Variants in SLC24A4 observed in about 807,000 individuals in gnomAD.
The protein encoded by SLC24A4 is solute carrier family 24 member 4.
SLC24A4 carries 53 observed loss-of-function variants against 79.0 expected under a neutral mutation model. The ratio of observed to expected loss-of-function variants is 0.67; its 90% CI spans 0.54 to 0.84. The LOEUF (loss-of-function observed/expected upper bound fraction) is 0.84, where lower values mean the gene tolerates loss of function less well. SLC24A4 is among the 40% of genes least tolerant of loss of function. The pLI is 0.00. For synonymous variants in SLC24A4, 323 were observed against 323.8 expected (o/e 1.00, Z 0.03); for missense variants, 731 against 822.0 (o/e 0.89, Z 1.35).
chr14:92,456,505 C>G lies in SLC24A4; in HGVS notation c.1152C>G (p.Pro384=), dbSNP rs562729725. 9.3e-6 allele frequency: 15 copies of G among 1,614,024 alleles called. No individual in the cohort carries two copies. The highest frequency in any genetic ancestry group is 2.2e-5 in the East Asian group (1 of 44,884). ...ACGGGAATGTTCCTGTGGAAAACCCCGAAGACCCTCAGCAGAATCAGGAGC... is the reference window on the plus strand; with the variant it reads ...ACGGGAATGTTCCTGTGGAAAACCCGGAAGACCCTCAGCAGAATCAGGAGC... ...IENGNVPVEN[P]EDPQQNQEQQ... is the part of the protein sequence containing the mutation. Residue 384 remains proline (P), a synonymous_variant, in exon 12 of 17, where the codon CCC becomes CCG. Coordinates refer to ENST00000532405, the MANE Select transcript of SLC24A4 (RefSeq NM_153646.4).
At chr14:92,470,342 C>T (rs1256496958) in intron 12 of SLC24A4, among the ~76,000 whole-genome samples, 2 of 152,178 alleles carry the variant, frequency 1.3e-5, no homozygotes, top group Non-Finnish European at 2.9e-5. Flanking sequence ...TGCAAATCTA[C>T]TCTGCATCAT....
At chr14:92,438,093 C>T (rs921382001) in intron 3 of SLC24A4, among the ~76,000 whole-genome samples, 1 of 152,232 alleles carries the variant, frequency 6.6e-6, no homozygotes, top group South Asian at 2.1e-4. Context: ...CTAGAGACAG[C>T]GGCAGCTCCC....
intron 2 of SLC24A4, among the ~76,000 whole-genome samples, chr14:92,354,052 G>A (rs943945272): frequency 1.3e-5 from 2 of 152,230 alleles, no homozygotes; most frequent in African/African-American, 2.4e-5. Flanking sequence ...AACTGCCGGT[G>A]GAAACCTGGA....
intron 14 of SLC24A4, among the ~76,000 whole-genome samples, chr14:92,488,164 T>A (rs1895483234): frequency 6.7e-6 from 1 of 150,308 alleles, no homozygotes; most frequent in African/African-American, 2.4e-5. Flanking sequence ...CTCTGCCCCC[T>A]GGGTTCAAGC....
intron 2 of SLC24A4, among the ~76,000 whole-genome samples, chr14:92,348,240 A>G: frequency 6.6e-6 from 1 of 152,172 alleles, no homozygotes; most frequent in Non-Finnish European, 1.5e-5. Flanking sequence ...TTGCAGGTTC[A>G]TTGTGTGGAT....
chr14:92,432,307 G>A (rs1280681695), intron 2 of SLC24A4, among the ~76,000 whole-genome samples: 2 of 152,198 alleles, frequency 1.3e-5, no homozygotes. Context: ...GTCCCCAGCA[G>A]CAGAAAGATG....
At chr14:92,445,162 G>A in intron 7 of SLC24A4, 155 bp from the exon 8 acceptor site, 1 of 830,600 alleles carries the variant, frequency 1.2e-6, no homozygotes, top group South Asian at 1.4e-5. Flanking sequence ...GCTACACTAA[G>A]GAAAGGCCCG....
At position 92,467,934 on chromosome 14, in the gene SLC24A4, A is replaced by G. The variant is rs375283849; in HGVS notation, c.1255+11326A>G. ...GCCACTTCTATTCCACATTATGCTG[A>G]GGGCTCTAGCCAGGGCAAATAGGCA... On this transcript the variant is annotated intron_variant, in intron 12 of 16. Coordinates refer to ENST00000532405, the MANE Select transcript of SLC24A4 (RefSeq NM_153646.4). Among the ~76,000 whole-genome samples the G allele has an allele frequency of 7.2e-5, 11 of 152,310 alleles. No individual in the cohort carries two copies. The East Asian group carries it at 1.9e-3, about 27-fold the overall frequency.
At chr14:92,373,331 A>G (rs1888314052) in intron 2 of SLC24A4, among the ~76,000 whole-genome samples, 1 of 152,136 alleles carries the variant, frequency 6.6e-6, no homozygotes, top group South Asian at 2.1e-4. Flanking sequence ...GGCGTGAGCC[A>G]CCACGCCTGG....
chr14:92,465,830 A>G (rs1595333496), intron 12 of SLC24A4, among the ~76,000 whole-genome samples: 1 of 150,228 alleles, frequency 6.7e-6, no homozygotes, highest in African/African-American at 2.5e-5. Context: ...TCTCTGCACC[A>G]CCCCCAGCCC....
At chr14:92,385,220 A>C (rs1015610179) in intron 2 of SLC24A4, among the ~76,000 whole-genome samples, 1 of 152,146 alleles carries the variant, frequency 6.6e-6, no homozygotes, top group Non-Finnish European at 1.5e-5. Context: ...TGCAAAAATC[A>C]TGCCGGCCAG....
At chr14:92,469,184 G>T (rs1164885086) in intron 12 of SLC24A4, among the ~76,000 whole-genome samples, 1 of 152,074 alleles carries the variant, frequency 6.6e-6, no homozygotes, top group Non-Finnish European at 1.5e-5. Flanking sequence ...GGGAAAATTG[G>T]AGCCCTCATA....
chr14:92,388,665 T>G (rs1889301587), intron 2 of SLC24A4, among the ~76,000 whole-genome samples: 1 of 152,052 alleles, frequency 6.6e-6, no homozygotes, highest in Non-Finnish European at 1.5e-5. Flanking sequence ...ACCAAATGAG[T>G]AGGAGGGAAG....
At chr14:92,402,065 AG>A (rs1238116373) in intron 2 of SLC24A4, among the ~76,000 whole-genome samples, 1 of 152,190 alleles carries the variant, frequency 6.6e-6, no homozygotes, top group Non-Finnish European at 1.5e-5. Context: ...TGCACTTTCG[AG>A]CTTGCTGATT....
At chr14:92,434,810 G>A (rs1422288061) in intron 3 of SLC24A4, among the ~76,000 whole-genome samples, 1 of 152,186 alleles carries the variant, frequency 6.6e-6, no homozygotes, top group Admixed American at 6.5e-5. Context: ...GTCTCGCTCT[G>A]TCGCCCAGGC....
chr14:92,402,880 G>A (rs1054264895), intron 2 of SLC24A4, among the ~76,000 whole-genome samples: 1 of 152,142 alleles, frequency 6.6e-6, no homozygotes, highest in Non-Finnish European at 1.5e-5. Context: ...TGGAGACACA[G>A]CCAAACCATA....
At chr14:92,456,742 ACTGGAATG>A (rs1893496100) in intron 12 of SLC24A4, 134 bp downstream of exon 12, 1 of 899,008 alleles carries the variant, frequency 1.1e-6, no homozygotes, top group Admixed American at 2.4e-5. Context: ...ATATTAGGTC[ACTGGAATG>A]CTTAGGAGGC....
In SLC24A4 at chr14:92,495,500, A is replaced by T. The variant is rs932919260; in HGVS notation, c.*1872A>T. 1 of 152,026 alleles carries T rather than the reference A, an allele frequency of 6.6e-6. No individual in the cohort carries two copies. The highest frequency in any genetic ancestry group is 1.5e-5 in the Non-Finnish European group (1 of 68,014). The allele number at this position is 152,026 out of a possible 1,614,324, so 9.4% of individuals were successfully genotyped here. A position where few individuals can be genotyped will look rare whatever the true frequency, so the allele number is the denominator to read the frequency against. On this transcript the variant is annotated 3_prime_UTR_variant, in exon 17 of 17. Coordinates refer to ENST00000532405, the MANE Select transcript of SLC24A4 (RefSeq NM_153646.4). Reference sequence around the variant, plus strand: ...GGCCCCTGTAGATTCACCAGTATAAACTTCAGCTGCAGGGATTCCAGAGCC... The same window carrying T: ...GGCCCCTGTAGATTCACCAGTATAATCTTCAGCTGCAGGGATTCCAGAGCC...
In SLC24A4 at chr14:92,323,996, T is replaced by C; in HGVS notation, c.130+36T>C. ...GTACGGGTCCCCTCTTCCTGGGGAG[T>C]TGGGGGCTTTGGCTGGGGAGTCTCG... On this transcript the variant is annotated intron_variant, in intron 1 of 16. Coordinates refer to ENST00000532405, the MANE Select transcript of SLC24A4 (RefSeq NM_153646.4). This position sits in a 1 kb window ranked among gnomAD's most constrained non-coding sequence, Gnocchi z 4.9. The C allele has an allele frequency of 6.3e-7, 1 of 1,593,872 alleles. No homozygotes were observed.
Sources: gnomAD v4.1 joint callset for allele counts (sites outside exome capture counted in the v4.1 genomes callset) on GRCh38, gnomAD v4.1.1 for gene constraint, Gnocchi (gnomAD v3.1) non-coding constraint, MANE v1.5 for transcripts, NCBI Gene and HGNC (gene_info 2026-07-23, HGNC 2026-07-21) for gene names.